Variants in FERMT2 observed in about 807,000 individuals in gnomAD.
FERMT2 encodes fermitin family homolog 2.
Under a neutral mutation model 82.7 loss-of-function variants are expected in FERMT2, and 15 were observed. The observed-to-expected ratio is 0.18, with a 90% CI of 0.12 to 0.28. FERMT2 has a LOEUF of 0.28. Among genes scored for constraint, FERMT2 ranks in the 10% least tolerant of loss-of-function variants. The pLI, the probability that FERMT2 is intolerant of heterozygous loss-of-function variation, is 1.00. For synonymous variants in FERMT2, 274 were observed against 271.5 expected (o/e 1.01, Z -0.09); for missense variants, 645 against 809.4 (o/e 0.80, Z 2.46).
intron 1 of FERMT2, 107 bp from the exon 2 acceptor site, chr14:52,950,684 C>T (rs1279432932): frequency 7.9e-6 from 9 of 1,140,276 alleles, no homozygotes; most frequent in African/African-American, 1.6e-5. Context: ...GTGGAGGACC[C>T]GGGGCTTTCG....
chr14:52,927,988 T>A (rs970700813), intron 2 of FERMT2: 2 of 377,358 alleles, frequency 5.3e-6, no homozygotes, highest in Non-Finnish European at 1.1e-5. Flanking sequence ...GTAATTCTTT[T>A]TTAAAAAAAG....
At chr14:52,907,005 G>C (rs1420824257) in intron 3 of FERMT2, among the ~76,000 whole-genome samples, 1 of 100,062 alleles carries the variant, frequency 1.0e-5, no homozygotes, top group Non-Finnish European at 2.3e-5. Context: ...CAAAAATGAA[G>C]GCAAAATTAA....
intron 9 of FERMT2, among the ~76,000 whole-genome samples, chr14:52,873,140 C>T (rs1423072850): frequency 2.0e-5 from 3 of 152,230 alleles, no homozygotes; most frequent in South Asian, 2.1e-4. Flanking sequence ...AACAGCGTTC[C>T]GAGGAGAAAG....
At chr14:52,875,555 AG>A (rs1487494035) in intron 7 of FERMT2, among the ~76,000 whole-genome samples, 198 bp from the exon 8 acceptor site, 12 of 152,224 alleles carry the variant, frequency 7.9e-5, no homozygotes. Flanking sequence ...CAAAAGAAGT[AG>A]GGTCTTTGGA....
At chr14:52,932,390 A>C (rs1005756219) in intron 2 of FERMT2, among the ~76,000 whole-genome samples, 1 of 152,220 alleles carries the variant, frequency 6.6e-6, no homozygotes, top group Non-Finnish European at 1.5e-5. Context: ...AGAAGATAGA[A>C]CATCCACAAG....
chr14:52,936,466 C>T (rs889750576), intron 2 of FERMT2, among the ~76,000 whole-genome samples: 6 of 152,182 alleles, frequency 3.9e-5, no homozygotes, highest in African/African-American at 1.4e-4. Context: ...TCTCACAGCT[C>T]TGGGGATAAT....
At chr14:52,942,904 A>G (rs544270003) in intron 2 of FERMT2, among the ~76,000 whole-genome samples, 1 of 152,296 alleles carries the variant, frequency 6.6e-6, no homozygotes, top group South Asian at 2.1e-4. Context: ...AAGTATGTGA[A>G]AAAGAACCTA....
chr14:52,933,275 C>T (rs1889673098), intron 2 of FERMT2, among the ~76,000 whole-genome samples: 1 of 152,114 alleles, frequency 6.6e-6, no homozygotes, highest in Admixed American at 6.5e-5. Context: ...TTAATTTGTT[C>T]CTTCCTTTCC....
At chr14:52,858,701 C>A in intron 14 of FERMT2, 151 bp from the exon 15 acceptor site, 1 of 620,058 alleles carries the variant, frequency 1.6e-6, no homozygotes, top group Non-Finnish European at 2.7e-6. Context: ...CGAATAATGC[C>A]TTTAAGTCCC....
chr14:52,864,965 A>G, intron 10 of FERMT2, 112 bp from the exon 11 acceptor site: 2 of 684,646 alleles, frequency 2.9e-6, no homozygotes, highest in Non-Finnish European at 5.1e-6. Flanking sequence ...TTGCCATAGT[A>G]TTTTATGAAG....
At chr14:52,927,316 G>A (rs1213028932) in intron 2 of FERMT2, among the ~76,000 whole-genome samples, 1 of 151,938 alleles carries the variant, frequency 6.6e-6, no homozygotes, top group African/African-American at 2.4e-5. Flanking sequence ...TTTTGCTAGA[G>A]AAAATATTAT....
intron 2 of FERMT2, among the ~76,000 whole-genome samples, chr14:52,929,910 T>C (rs1889483928): frequency 6.6e-6 from 1 of 152,224 alleles, no homozygotes. Flanking sequence ...ATCACCATTG[T>C]ATTTTCAGCA....
chr14:52,942,777 C>G (rs1490279981), intron 2 of FERMT2, among the ~76,000 whole-genome samples: 2 of 152,130 alleles, frequency 1.3e-5, no homozygotes, highest in Non-Finnish European at 2.9e-5. Context: ...TCCATCAGCA[C>G]CTACTACAGT....
chr14:52,914,503 A>G (rs933018568), intron 3 of FERMT2, among the ~76,000 whole-genome samples: 10 of 152,224 alleles, frequency 6.6e-5, no homozygotes, highest in South Asian at 2.1e-4. Context: ...CATTACCGCT[A>G]TTATGCAATA....
At position 52,881,075 on chromosome 14, in the gene FERMT2, G is replaced by A; in HGVS notation, c.816C>T (p.Leu272=). The A allele has an allele frequency of 1.2e-6, 2 of 1,613,466 alleles. No homozygotes were observed. The highest frequency in any genetic ancestry group is 1.7e-6 in the Non-Finnish European group (2 of 1,179,808). Residue 272 remains leucine, a synonymous_variant, in exon 6 of 15, where the codon CTC becomes CTT. Transcript: ENST00000341590. ...CAAAAAAGCTGTAATACTTGAATCGGAGCAGCAAGGCCTCATTTTCCTTCA... is the reference window on the plus strand; with the variant it reads ...CAAAAAAGCTGTAATACTTGAATCGAAGCAGCAAGGCCTCATTTTCCTTCA... The part of the protein sequence containing the change: ...QDVKENEALL[L]RFKYYSFFDL...
intron 10 of FERMT2, 134 bp downstream of exon 10, chr14:52,872,665 A>T: frequency 1.3e-6 from 1 of 793,874 alleles, no homozygotes; most frequent in Non-Finnish European, 2.0e-6. Flanking sequence ...ACATATCTAA[A>T]CATTTTTCAA....
chr14:52,915,806 C>T (rs1364580569), intron 3 of FERMT2, among the ~76,000 whole-genome samples: 1 of 152,084 alleles, frequency 6.6e-6, no homozygotes, highest in Non-Finnish European at 1.5e-5. Flanking sequence ...CAATCACGAA[C>T]AAAGGTTTAT....
rs185277456 is a variant in FERMT2 at position 52,919,149 on chromosome 14, G to C, written c.365C>G (p.Ala122Gly). ...AAAAGTCTTACAGATGTCAGAAACA[G>C]CTTTGAAGACTCTATCAGAGAAATT... ...KVNFSDRVFK[A>G]VSDICKTFNI... The change falls in exon 3 of 15, where the codon GCT (alanine) becomes GGT (glycine). Residue 122 changes from alanine (A) to glycine (G), a missense_variant. Coordinates refer to ENST00000341590, the MANE Select transcript of FERMT2 (RefSeq NM_006832.3). 33 of 1,612,654 alleles carry C rather than the reference G, an allele frequency of 2.0e-5. No homozygotes were observed. Among genetic ancestry groups the C allele is most frequent in the Non-Finnish European group, 2.7e-5 (32 of 1,178,780 alleles).
At chr14:52,904,762 G>GA (rs77691267) in intron 3 of FERMT2, among the ~76,000 whole-genome samples, 3,260 of 113,274 alleles carry the variant, frequency 0.029, 41 homozygotes, top group Middle Eastern at 0.041. Flanking sequence ...AAAAGGAGGA[G>GA]AAAAAAAAAA....
Sources: allele counts gnomAD v4.1 joint callset (sites outside exome capture counted in the v4.1 genomes callset), GRCh38; gene constraint gnomAD v4.1.1; transcripts MANE v1.5; gene names NCBI Gene and HGNC (gene_info 2026-07-23, HGNC 2026-07-21).